Variants in TMEM114 observed in about 807,000 individuals in gnomAD.
The protein encoded by TMEM114 is claudin-26.
TMEM114 carries 6 observed loss-of-function variants against 6.2 expected under a neutral mutation model. That is an observed-to-expected ratio of 0.97 (90% CI 0.53 to 1.91). TMEM114 has a LOEUF of 1.91. TMEM114 is among the 40% of genes most tolerant of loss of function. The pLI, the probability that TMEM114 is intolerant of heterozygous loss-of-function variation, is 0.01. For missense variants in TMEM114, 218 were observed against 158.3 expected (o/e 1.38, Z -2.02); for synonymous variants, 104 against 73.0 (o/e 1.42, Z -2.16).
At chr16:8,528,812 G>A in the TMEM114 span, among the ~76,000 whole-genome samples, 14 of 152,286 alleles carry the variant, frequency 9.2e-5, no homozygotes, top group Non-Finnish European at 1.3e-4. Flanking sequence ...CACTGAGCAC[G>A]CGCTCTGTGT....
At position 8,571,160 on chromosome 16, in the gene TMEM114, C is replaced by T. The variant is rs1328310385; in HGVS notation, c.439+927G>A. ...GGAACATTTCAAATACACAGGGATA[C>T]AGACAGCCTTTAAGGCAGCCAGCCA... On this transcript the variant is annotated intron_variant, in intron 3 of 3. Coordinates refer to ENST00000620492, the MANE Select transcript of TMEM114 (RefSeq NM_001146336.2). Among the ~76,000 whole-genome samples the T allele has an allele frequency of 2.7e-5, 4 of 149,602 alleles. No homozygotes were observed. The South Asian group carries it at 8.4e-4, about 32-fold the overall frequency.
At chr16:8,579,442 G>A (rs1902058970) in intron 2 of TMEM114, among the ~76,000 whole-genome samples, 1 of 151,770 alleles carries the variant, frequency 6.6e-6, no homozygotes, top group Middle Eastern at 3.2e-3. Flanking sequence ...TAAGGCAGTA[G>A]CTTTTAAAAT....
chr16:8,589,577 G>A (rs1020387104), intron 1 of TMEM114, 42 bp downstream of exon 1: 3 of 398,394 alleles, frequency 7.5e-6, no homozygotes, highest in South Asian at 1.3e-4. Context: ...CGCGCAGGGG[G>A]CGTTCGCAGC....
chr16:8,540,642 T>C (rs1900491626), intron 2 of TMEM114, among the ~76,000 whole-genome samples: 1 of 151,780 alleles, frequency 6.6e-6, no homozygotes, highest in African/African-American at 2.4e-5. Context: ...GAACCAATTT[T>C]TATTGACCAC....
the TMEM114 span, among the ~76,000 whole-genome samples, chr16:8,532,551 A>G: frequency 6.6e-6 from 1 of 152,234 alleles, no homozygotes; most frequent in Non-Finnish European, 1.5e-5. Context: ...CTAGGGGTCC[A>G]TTAAAGAGAA....
chr16:8,528,498 G>GTT, the TMEM114 span, among the ~76,000 whole-genome samples: 1 of 152,114 alleles, frequency 6.6e-6, no homozygotes, highest in African/African-American at 2.4e-5. Flanking sequence ...ACACCAAGGG[G>GTT]GAGCATCTCC....
rs781266687 is a variant in TMEM114, at chr16:8,569,977, G to C, written c.468C>G (p.Val156=). Residue 156 remains valine (V), a synonymous_variant, in exon 4 of 4, where the codon GTC becomes GTG. Transcript: ENST00000620492. ...GAMVTLAGIS[V]YIAYSAAAFR... ...AGGCGGCGGCTGAATACGCTATGTA[G>C]ACGCTGATCCCAGCGAGGGTCACCA... The C allele has an allele frequency of 6.4e-7, 1 of 1,550,746 alleles. No homozygotes were observed. The highest frequency in any genetic ancestry group is 1.2e-5 in the South Asian group (1 of 84,060).
the TMEM114 span, among the ~76,000 whole-genome samples, chr16:8,528,051 G>A: frequency 6.6e-6 from 1 of 152,076 alleles, no homozygotes; most frequent in African/African-American, 2.4e-5. Context: ...TGGGATCACA[G>A]GCATGTGCCA....
chr16:8,559,333 G>A (rs528396767), intron 2 of TMEM114, among the ~76,000 whole-genome samples: 111 of 152,280 alleles, frequency 7.3e-4, no homozygotes, highest in African/African-American at 2.5e-3. Context: ...GTGAGCCGCC[G>A]GACCCTGCCT....
At chr16:8,561,101 A>T (rs1019651653) in intron 2 of TMEM114, among the ~76,000 whole-genome samples, 1 of 152,188 alleles carries the variant, frequency 6.6e-6, no homozygotes, top group African/African-American at 2.4e-5. Context: ...ATTATCTCGC[A>T]CAGGGTCCCT....
At position 8,569,854 on chromosome 16, in the gene TMEM114, G is replaced by A; in HGVS notation, c.591C>T (p.Ile197=). The change falls in exon 4 of 4, where the codon ATC becomes ATT. Residue 197 remains isoleucine, a synonymous_variant. Transcript: ENST00000620492. ...AGGCTGCCCCGGTGAGCAGCTCGGC[G>A]ATGAAGCTGATCCAGCCCAGGGCCA... ...WSLALGWISF[I]AELLTGAAFL... is the part of the protein sequence containing the mutation. 6.4e-7 allele frequency: 1 copy of A among 1,551,084 alleles called. No individual in the cohort carries two copies. Among genetic ancestry groups the A allele is most frequent in the Non-Finnish European group, 8.7e-7 (1 of 1,146,964 alleles).
chr16:8,536,059 C>G (rs771640947), downstream of TMEM114, among the ~76,000 whole-genome samples: 5 of 152,024 alleles, frequency 3.3e-5, no homozygotes, highest in Non-Finnish European at 7.4e-5. Context: ...AACCCCGTCT[C>G]TACTAAAAAT....
chr16:8,552,035 C>G (rs116682137), intron 2 of TMEM114, among the ~76,000 whole-genome samples: 1,611 of 152,184 alleles, frequency 0.011, 36 homozygotes, highest in African/African-American at 0.036. Flanking sequence ...AATTACAGAG[C>G]TCCAAAGCTA....
intron 3 of TMEM114, 108 bp downstream of exon 3, chr16:8,571,979 A>G: frequency 7.5e-7 from 1 of 1,328,512 alleles, no homozygotes; most frequent in African/African-American, 1.5e-5. Flanking sequence ...GGGAAACTGA[A>G]CCCCACGAGG....
intron 2 of TMEM114, among the ~76,000 whole-genome samples, chr16:8,549,083 G>C (rs991513176): frequency 6.6e-5 from 10 of 150,848 alleles, no homozygotes; most frequent in African/African-American, 2.4e-4. Context: ...TGGGGAGGCT[G>C]AGGCAGGAGA....
At chr16:8,543,414 A>G (rs1489174423) in intron 2 of TMEM114, among the ~76,000 whole-genome samples, 1 of 151,750 alleles carries the variant, frequency 6.6e-6, no homozygotes, top group Non-Finnish European at 1.5e-5. Context: ...TTCCCTACCT[A>G]CCAAGTGCCC....
At chr16:8,574,321 A>G (rs890836653) in intron 2 of TMEM114, among the ~76,000 whole-genome samples, 2 of 152,244 alleles carry the variant, frequency 1.3e-5, no homozygotes, top group Non-Finnish European at 2.9e-5. Flanking sequence ...TAAGATGTGC[A>G]GTGTTGCGTC....
intron 2 of TMEM114, among the ~76,000 whole-genome samples, chr16:8,587,345 T>C (rs939238658): frequency 2.6e-5 from 4 of 152,226 alleles, no homozygotes; most frequent in Non-Finnish European, 5.9e-5. Flanking sequence ...TGCTAAATAT[T>C]GGGAATTCAG....
chr16:8,560,119 A>T (rs1196650605), intron 2 of TMEM114, among the ~76,000 whole-genome samples: 1 of 152,018 alleles, frequency 6.6e-6, no homozygotes, highest in Non-Finnish European at 1.5e-5. Context: ...CAGCCTCCTG[A>T]GTAGCTGGGA....
Sources: gnomAD v4.1 joint callset for allele counts (sites outside exome capture counted in the v4.1 genomes callset) on GRCh38, gnomAD v4.1.1 for gene constraint, MANE v1.5 for transcripts, NCBI Gene and HGNC (gene_info 2026-07-23, HGNC 2026-07-21) for gene names.